CNTNAP5: variants seen among roughly 807,000 people sequenced by gnomAD.
CNTNAP5 encodes the protein contactin associated protein family member 5, also known as contactin-associated protein-like 5.
A neutral mutation model predicts 150.2 loss-of-function variants in CNTNAP5; 72 were observed. The ratio of observed to expected loss-of-function variants is 0.48; its 90% CI spans 0.40 to 0.58. The LOEUF is 0.58. Ranked by LOEUF, CNTNAP5 falls within the 20% of genes least tolerant of loss-of-function variation. The probability of loss-of-function intolerance (pLI) is 0.00; values close to 1 mark genes in which losing one functional copy is unlikely to be tolerated. For synonymous variants in CNTNAP5, 672 were observed against 619.8 expected (o/e 1.08, Z -1.25); for missense variants, 1,636 against 1,626.2 (o/e 1.01, Z -0.10).
At chr2:124,715,512 T>C (rs1459881351) in intron 13 of CNTNAP5, among the ~76,000 whole-genome samples, 5 of 152,104 alleles carry the variant, frequency 3.3e-5, no homozygotes, top group Admixed American at 1.3e-4. Flanking sequence ...GAGGGTGGAA[T>C]TTTTATTTTT....
At chr2:124,611,774 A>G (rs1246987400) in intron 12 of CNTNAP5, among the ~76,000 whole-genome samples, 1 of 152,206 alleles carries the variant, frequency 6.6e-6, no homozygotes, top group East Asian at 1.9e-4. Flanking sequence ...ATAAATGCCC[A>G]CTGCTGAGTG....
chr2:124,139,543 G>GGGAAAGAGGACTCTCA (rs2104614188), intron 1 of CNTNAP5, among the ~76,000 whole-genome samples: 1 of 152,148 alleles, frequency 6.6e-6, no homozygotes, highest in South Asian at 2.1e-4. Flanking sequence ...AGAGAGTCTC[G>GGGAAAGAGGACTCTCA]GGAAAGAGGA....
chr2:124,672,761 G>C (rs1245710187), intron 13 of CNTNAP5, among the ~76,000 whole-genome samples: 1 of 152,026 alleles, frequency 6.6e-6, no homozygotes, highest in African/African-American at 2.4e-5. Flanking sequence ...TCAATAAGTT[G>C]GTGTACATGT....
chr2:124,718,785 AAC>A, intron 13 of CNTNAP5, among the ~76,000 whole-genome samples: 2 of 152,158 alleles, frequency 1.3e-5, no homozygotes, highest in Middle Eastern at 6.8e-3. Context: ...CTACTAAAAA[AAC>A]ACAAAAAATT....
At chr2:124,386,842 ACCCTAAT>A in intron 3 of CNTNAP5, among the ~76,000 whole-genome samples, 1 of 152,242 alleles carries the variant, frequency 6.6e-6, no homozygotes, top group East Asian at 1.9e-4. Context: ...TTATGTTGAA[ACCCTAAT>A]CCCAATGTGA....
chr2:124,584,262 A>C (rs1696479867), intron 11 of CNTNAP5, among the ~76,000 whole-genome samples: 1 of 152,162 alleles, frequency 6.6e-6, no homozygotes, highest in South Asian at 2.1e-4. Context: ...CTTTAAAATA[A>C]ATTCATCTCT....
chr2:124,862,036 A>G (rs1165537926), intron 19 of CNTNAP5, among the ~76,000 whole-genome samples: 3 of 151,882 alleles, frequency 2.0e-5, no homozygotes, highest in Non-Finnish European at 4.4e-5. Flanking sequence ...CTGGTCTCGA[A>G]CTCCTGACCT....
intron 1 of CNTNAP5, among the ~76,000 whole-genome samples, chr2:124,204,899 G>A (rs1051221311): frequency 7.2e-5 from 11 of 152,062 alleles, no homozygotes; most frequent in African/African-American, 1.4e-4. Context: ...AGAATCTGAA[G>A]GTCTATAGCC....
intron 13 of CNTNAP5, among the ~76,000 whole-genome samples, chr2:124,666,117 C>T (rs1173479638): frequency 1.3e-5 from 2 of 151,984 alleles, no homozygotes. Context: ...AGTCCTGAAG[C>T]GGTTGGGTTA....
At chr2:124,048,200 A>G (rs1378644147) in intron 1 of CNTNAP5, among the ~76,000 whole-genome samples, 1 of 152,150 alleles carries the variant, frequency 6.6e-6, no homozygotes, top group Non-Finnish European at 1.5e-5. Context: ...TTCTGTTTAA[A>G]CTGGCAGCAT....
chr2:124,084,572 A>G (rs541686215), intron 1 of CNTNAP5, among the ~76,000 whole-genome samples: 1 of 151,962 alleles, frequency 6.6e-6, no homozygotes, highest in East Asian at 1.9e-4. Context: ...CCTGCCCTGT[A>G]GATTCTTGAC....
chr2:124,772,830 T>G lies in CNTNAP5; in HGVS notation c.2565T>G (p.Val855=). 3.7e-6 allele frequency: 6 copies of G among 1,613,732 alleles called. No homozygotes were observed. Among genetic ancestry groups the G allele is most frequent in the Non-Finnish European group, 5.1e-6 (6 of 1,179,708 alleles). Residue 855 remains valine, a synonymous_variant, in exon 17 of 24, where the codon GTT becomes GTG. Coordinates refer to ENST00000682447, the MANE Select transcript of CNTNAP5 (RefSeq NM_001367498.1). ...SPSEITFAID[V]GNGPVELVVQ... ...CAGAGATCACCTTTGCCATCGATGT[T>G]GGGAATGGTCCTGTGGAGCTTGTAG...
In CNTNAP5 at chr2:124,298,494, A is replaced by T. The variant is rs147082397; in HGVS notation, c.381+56101A>T. Among the ~76,000 whole-genome samples, 690 of 152,254 alleles carry T rather than the reference A, an allele frequency of 4.5e-3. 6 individuals carry two copies. The highest frequency in any genetic ancestry group is 0.031 in the East Asian group (159 of 5,172). ...TAAGTGTTCATTCATCAAAAGTCAT[A>T]AGTGATTAACTTCCTCTAAACTATA... On this transcript the variant is annotated intron_variant, in intron 3 of 23. Transcript: ENST00000682447.
chr2:124,506,502 G>T (rs530116085), intron 8 of CNTNAP5, among the ~76,000 whole-genome samples: 2 of 152,206 alleles, frequency 1.3e-5, no homozygotes, highest in East Asian at 1.9e-4. Flanking sequence ...CATAGTTATG[G>T]TCATGTCAGA....
intron 3 of CNTNAP5, among the ~76,000 whole-genome samples, chr2:124,358,481 A>G (rs551981535): frequency 2.6e-5 from 4 of 152,166 alleles, no homozygotes; most frequent in Non-Finnish European, 4.4e-5. Context: ...ATGTCCCATC[A>G]ATACCTAATT....
intron 3 of CNTNAP5, among the ~76,000 whole-genome samples, chr2:124,340,892 A>G (rs943653445): frequency 6.9e-6 from 1 of 145,710 alleles, no homozygotes; most frequent in Non-Finnish European, 1.5e-5. Context: ...ATATACATAT[A>G]TATATATAGA....
rs200321640 is a variant in CNTNAP5 at position 124,875,317 on chromosome 2, G to A, written c.3436+5555G>A. On this transcript the variant is annotated intron_variant, in intron 21 of 23. Coordinates refer to ENST00000682447, the MANE Select transcript of CNTNAP5 (RefSeq NM_001367498.1). The stretch of plus-strand genomic sequence containing the variant: ...TGTGTACTTCAAAATGCTCACTTTG[G>A]AAGACTGAACTCTAATTCCTTTTTG... Among the ~76,000 whole-genome samples the A allele has an allele frequency of 1.3e-4, 20 of 152,182 alleles. No homozygotes were observed. The East Asian group carries it at 3.5e-3, about 27-fold the overall frequency.
intron 3 of CNTNAP5, among the ~76,000 whole-genome samples, chr2:124,414,119 C>CT (rs80216750): frequency 0.019 from 2,363 of 124,218 alleles, 38 homozygotes; most frequent in South Asian, 0.053. Context: ...TTTGGATTTC[C>CT]TTTTTTTTTT....
At chr2:124,528,622 T>C (rs2104891783) in intron 10 of CNTNAP5, among the ~76,000 whole-genome samples, 1 of 152,318 alleles carries the variant, frequency 6.6e-6, no homozygotes, top group South Asian at 2.1e-4. Flanking sequence ...GATTCAATAA[T>C]ATATAGCTCA....
Sources: allele counts gnomAD v4.1 joint callset (sites outside exome capture counted in the v4.1 genomes callset), GRCh38; gene constraint gnomAD v4.1.1; transcripts MANE v1.5; gene names NCBI Gene and HGNC (gene_info 2026-07-23, HGNC 2026-07-21).